GRIK4: variants seen among roughly 807,000 people sequenced by gnomAD.
GRIK4 encodes glutamate ionotropic receptor kainate type subunit 4.
A neutral mutation model predicts 104.9 loss-of-function variants in GRIK4; 40 were observed. The ratio of observed to expected loss-of-function variants is 0.38; its 90% CI spans 0.30 to 0.50. The LOEUF (loss-of-function observed/expected upper bound fraction) is 0.50. Among genes scored for constraint, GRIK4 ranks in the 20% least tolerant of loss-of-function variants. GRIK4 has a pLI of 0.93. For synonymous variants in GRIK4, 485 were observed against 524.9 expected (o/e 0.92, Z 1.04); for missense variants, 1,047 against 1,308.1 (o/e 0.80, Z 3.08).
intron 2 of GRIK4, among the ~76,000 whole-genome samples, chr11:120,654,252 A>G (rs1207352762): frequency 6.6e-6 from 1 of 152,234 alleles, no homozygotes; most frequent in Non-Finnish European, 1.5e-5. Context: ...GTGAGCTTGG[A>G]TAAGTTACTG....
chr11:120,926,723 T>C (rs1452276659), intron 13 of GRIK4, among the ~76,000 whole-genome samples: 1 of 152,154 alleles, frequency 6.6e-6, no homozygotes, highest in Admixed American at 6.5e-5. Flanking sequence ...ATTCAACAAA[T>C]ATTTATGTAG....
rs566886088 is a variant in GRIK4, at chr11:120,527,612, C to T, written c.-159+15725C>T. 8.9e-4 allele frequency among the ~76,000 whole-genome samples: 135 copies of T among 152,360 alleles called. 1 individual carries two copies. In the South Asian group the frequency reaches 0.024, roughly 28 times the overall value. On this transcript the variant is annotated intron_variant, in intron 1 of 20. Coordinates refer to ENST00000527524, the MANE Select transcript of GRIK4 (RefSeq NM_014619.5). Reference sequence around the variant, plus strand: ...GGCGGGCTGGGGGCTGGGAGGAAGACGGGCATTCAGGTGCTTTTGTTACCT... The same window carrying T: ...GGCGGGCTGGGGGCTGGGAGGAAGATGGGCATTCAGGTGCTTTTGTTACCT...
intron 13 of GRIK4, among the ~76,000 whole-genome samples, chr11:120,912,936 C>A (rs1306401121): frequency 1.3e-5 from 2 of 152,212 alleles, no homozygotes; most frequent in African/African-American, 4.8e-5. Flanking sequence ...GCTAGTACTT[C>A]TTCCCACAGC....
intron 3 of GRIK4, among the ~76,000 whole-genome samples, chr11:120,670,609 A>G (rs1212843481): frequency 6.6e-6 from 1 of 152,062 alleles, no homozygotes; most frequent in Non-Finnish European, 1.5e-5. Flanking sequence ...TGTGTGGTTC[A>G]CTTTCTCATG....
chr11:120,744,759 G>A (rs566949661), intron 3 of GRIK4, among the ~76,000 whole-genome samples: 22 of 152,302 alleles, frequency 1.4e-4, no homozygotes, highest in African/African-American at 4.8e-4. Flanking sequence ...AATATTAATG[G>A]AATCCATTTT....
At chr11:120,535,249 ATC>A (rs1253856158) in intron 1 of GRIK4, among the ~76,000 whole-genome samples, 2 of 134,486 alleles carry the variant, frequency 1.5e-5, no homozygotes, top group African/African-American at 5.8e-5. Flanking sequence ...GAGGTGGGGG[ATC>A]CAGGGAAGAA....
intron 1 of GRIK4, among the ~76,000 whole-genome samples, chr11:120,600,232 A>C (rs978240608): frequency 6.6e-6 from 1 of 152,182 alleles, no homozygotes; most frequent in African/African-American, 2.4e-5. Context: ...GGGTACCTCC[A>C]CCCACCAGGC....
At chr11:120,565,341 TTTCCA>T (rs1948307679) in intron 1 of GRIK4, among the ~76,000 whole-genome samples, 1 of 152,242 alleles carries the variant, frequency 6.6e-6, no homozygotes, top group Non-Finnish European at 1.5e-5. Flanking sequence ...AGAAGCCCAC[TTTCCA>T]GTGAGCTGCT....
chr11:120,934,882 T>TC (rs1943563219), intron 13 of GRIK4, among the ~76,000 whole-genome samples: 2 of 152,184 alleles, frequency 1.3e-5, no homozygotes, highest in Non-Finnish European at 1.5e-5. Context: ...ACCCTGTGGC[T>TC]CTAATGGTCC....
At chr11:120,897,013 G>A (rs565654029) in intron 11 of GRIK4, among the ~76,000 whole-genome samples, 58 of 152,326 alleles carry the variant, frequency 3.8e-4, no homozygotes, top group African/African-American at 1.4e-3. Context: ...GTGTATTTTT[G>A]TATGTATAAA....
At chr11:120,553,020 AAAAG>A (rs1399711571) in intron 1 of GRIK4, among the ~76,000 whole-genome samples, 5 of 152,132 alleles carry the variant, frequency 3.3e-5, no homozygotes, top group African/African-American at 4.8e-5. Flanking sequence ...AAAAAAAAAA[AAAAG>A]AAGGGAGGAA....
At chr11:120,674,656 A>G (rs1205397893) in intron 3 of GRIK4, among the ~76,000 whole-genome samples, 2 of 152,238 alleles carry the variant, frequency 1.3e-5, no homozygotes, top group Non-Finnish European at 2.9e-5. Context: ...AATGCCAGTT[A>G]TCTAGCAACA....
intron 15 of GRIK4, among the ~76,000 whole-genome samples, chr11:120,954,891 T>G (rs564165673): frequency 5.8e-4 from 88 of 151,806 alleles, no homozygotes; most frequent in African/African-American, 1.7e-3. Context: ...CATGGTTCTA[T>G]GGACTGCAAA....
In GRIK4 at chr11:120,595,109, G is replaced by A. The variant is rs549548006; in HGVS notation, c.-158-58576G>A. Among the ~76,000 whole-genome samples, 12 of 152,282 alleles carry A rather than the reference G, an allele frequency of 7.9e-5. No homozygotes were observed. The East Asian group carries it at 1.9e-3, about 25-fold the overall frequency. ...GGTTCCAGCCACATTTAGGAAGGCC[G>A]TCTGTTGCATGTGGCTGAGCACATC... On this transcript the variant is annotated intron_variant, in intron 1 of 20. Transcript: ENST00000527524.
intron 1 of GRIK4, among the ~76,000 whole-genome samples, chr11:120,604,070 G>C (rs1356317695): frequency 6.6e-6 from 1 of 151,698 alleles, no homozygotes; most frequent in African/African-American, 2.4e-5. Context: ...TACTCGGGAG[G>C]CTGAGGCAGG....
intron 14 of GRIK4, among the ~76,000 whole-genome samples, chr11:120,947,672 T>C (rs17124583): frequency 0.053 from 8,133 of 152,270 alleles, 737 homozygotes; most frequent in African/African-American, 0.19. Flanking sequence ...CCTGAATGTA[T>C]AATAATATTG....
At chr11:120,764,998 G>T (rs1418379375) in intron 3 of GRIK4, among the ~76,000 whole-genome samples, 1 of 152,062 alleles carries the variant, frequency 6.6e-6, no homozygotes, top group Non-Finnish European at 1.5e-5. Context: ...TTTGCATGTT[G>T]GCATGTCTTG....
At position 120,829,328 on chromosome 11, in the gene GRIK4, C is replaced by T. The variant is rs553267514; in HGVS notation, c.512-2524C>T. Among the ~76,000 whole-genome samples the T allele has an allele frequency of 1.2e-4, 18 of 152,178 alleles. No homozygotes were observed. The South Asian group carries it at 1.9e-3, about 16-fold the overall frequency. ...TTTCACATCATCTCTGAGGAAGAGG[C>T]GGTAAATACTCTCTCCACTTTACAT... On this transcript the variant is annotated intron_variant, in intron 6 of 20. Coordinates refer to ENST00000527524, the MANE Select transcript of GRIK4 (RefSeq NM_014619.5).
intron 1 of GRIK4, among the ~76,000 whole-genome samples, chr11:120,645,493 C>T (rs1206757403): frequency 6.6e-6 from 1 of 152,190 alleles, no homozygotes; most frequent in Non-Finnish European, 1.5e-5. Flanking sequence ...TTGGTGAGCC[C>T]ATCATCTACT....
Sources: allele counts gnomAD v4.1 joint callset (sites outside exome capture counted in the v4.1 genomes callset), GRCh38; gene constraint gnomAD v4.1.1; transcripts MANE v1.5; gene names NCBI Gene and HGNC (gene_info 2026-07-23, HGNC 2026-07-21).